The following PLCZ1 variants were observed in gnomAD, a reference collection of about 807,000 sequenced individuals.
The protein encoded by PLCZ1 is 1-phosphatidylinositol 4,5-bisphosphate phosphodiesterase zeta-1.
In PLCZ1, 64 loss-of-function variants were observed where a neutral mutation model predicts 76.8. The observed-to-expected ratio is 0.83, with a 90% confidence interval of 0.68 to 1.03. The LOEUF is 1.03. Among genes scored for constraint, PLCZ1 ranks in the 50% least tolerant of loss-of-function variants. The pLI, the probability that PLCZ1 is intolerant of heterozygous loss-of-function variation, is 0.00. For synonymous variants in PLCZ1, 248 were observed against 230.8 expected (o/e 1.07, Z -0.68); for missense variants, 751 against 713.7 (o/e 1.05, Z -0.60).
At chr12:18,650,347 A>ATATATATG in the PLCZ1 span, among the ~76,000 whole-genome samples, 12 of 114,544 alleles carry the variant, frequency 1.0e-4, no homozygotes, top group African/African-American at 1.6e-4. Context: ...ATATATATAT[A>ATATATATG]TGTGTGTGTG....
At chr12:18,695,127 A>C (rs1210160588) in intron 11 of PLCZ1, 48 bp from the exon 12 acceptor site, 1 of 1,550,464 alleles carries the variant, frequency 6.4e-7, no homozygotes, top group Non-Finnish European at 8.9e-7. Flanking sequence ...GAGAATACAA[A>C]TAAAGGAACA....
rs539434298 is a variant in PLCZ1 at position 18,731,056 on chromosome 12, G to A, written c.135+5165C>T. The A allele has an allele frequency of 3.8e-4, 57 of 151,892 alleles. 1 individual carries two copies. The highest frequency in any genetic ancestry group is 1.1e-3 in the Admixed American group (16 of 15,232). The allele number at this position is 151,892 out of a possible 1,614,324, so 9.4% of individuals were successfully genotyped here. On this transcript the variant is annotated intron_variant, in intron 3 of 14. Transcript: ENST00000266505. ...GTTCTGCAACTTTGGTTTTCACTGG[G>A]GTCTCCTGAGAAGTACAACTTTTCT...
chr12:18,701,134 G>A (rs370481914), intron 9 of PLCZ1, among the ~76,000 whole-genome samples: 2 of 151,820 alleles, frequency 1.3e-5, no homozygotes, highest in African/African-American at 2.4e-5. Flanking sequence ...ACAGGCATGC[G>A]TCACCATGCC....
chr12:18,702,503 C>A (rs1405474759), intron 7 of PLCZ1, among the ~76,000 whole-genome samples: 1 of 152,052 alleles, frequency 6.6e-6, no homozygotes, highest in African/African-American at 2.4e-5. Flanking sequence ...AAGTTCTTTT[C>A]TCCAGGGAGC....
In PLCZ1 at chr12:18,737,310, G is replaced by A. The variant is rs764775933; in HGVS notation, c.11+51C>T. Reference sequence around the variant, plus strand: ...AAGAATAACAGCATCAAGTAAAGAGGATAAGTAGGAGAAAGAAGAAGAGGA... The same window carrying A: ...AAGAATAACAGCATCAAGTAAAGAGAATAAGTAGGAGAAAGAAGAAGAGGA... On this transcript the variant is annotated intron_variant, in intron 2 of 14. Transcript: ENST00000266505. The A allele has an allele frequency of 3.2e-6, 5 of 1,569,408 alleles. No homozygotes were observed. The South Asian group carries it at 5.5e-5, about 17-fold the overall frequency.
At chr12:18,678,400 A>G (rs1402529163), downstream of PLCZ1, among the ~76,000 whole-genome samples, 1 of 152,038 alleles carries the variant, frequency 6.6e-6, no homozygotes, top group Non-Finnish European at 1.5e-5. Flanking sequence ...GAAGTATACA[A>G]TTTGATTCGT....
intron 3 of PLCZ1, among the ~76,000 whole-genome samples, chr12:18,733,163 G>C (rs1194927462): frequency 6.6e-6 from 1 of 152,162 alleles, no homozygotes; most frequent in African/African-American, 2.4e-5. Context: ...GGTATGAGGT[G>C]ATAGCTCATG....
At chr12:18,683,632 C>A in intron 14 of PLCZ1, 2 of 1,384,584 alleles carry the variant, frequency 1.4e-6, no homozygotes, top group Non-Finnish European at 1.9e-6. Flanking sequence ...ATCTCAGATG[C>A]TGTTAGAAAA....
intron 5 of PLCZ1, among the ~76,000 whole-genome samples, chr12:18,718,158 T>G (rs1460378541): frequency 6.6e-6 from 1 of 152,182 alleles, no homozygotes; most frequent in African/African-American, 2.4e-5. Context: ...ATATACTAAA[T>G]GCATTTTCAA....
At position 18,735,696 on chromosome 12, in the gene PLCZ1, T is replaced by A. The variant is rs752540001; in HGVS notation, c.135+525A>T. 3 of 152,748 alleles carry A rather than the reference T, an allele frequency of 2.0e-5. No homozygotes were observed. In the South Asian group the frequency reaches 6.2e-4, roughly 32 times the overall value. The allele number at this position is 152,748 out of a possible 1,614,324, so 9.5% of individuals were successfully genotyped here. ...CTATGTGTTTTTCATTTTTGTGAGATCTGTTGTAATGTCTCCACTTTCATT... is the reference window on the plus strand; with the variant it reads ...CTATGTGTTTTTCATTTTTGTGAGAACTGTTGTAATGTCTCCACTTTCATT... On this transcript the variant is annotated intron_variant, in intron 3 of 14. Coordinates refer to ENST00000266505, the MANE Select transcript of PLCZ1 (RefSeq NM_033123.4).
rs773905019 is a variant in PLCZ1 at position 18,737,392 on chromosome 12, C to G, written c.-21G>C. The G allele has an allele frequency of 6.2e-7, 1 of 1,613,692 alleles. No homozygotes were observed. The highest frequency in any genetic ancestry group is 1.1e-5 in the South Asian group (1 of 91,088). On this transcript the variant is annotated 5_prime_UTR_variant, in exon 2 of 15. Coordinates refer to ENST00000266505, the MANE Select transcript of PLCZ1 (RefSeq NM_033123.4). ...TCCATAGTTTCATGACCTGTAGAGCCGTTTCTCCTCACTTAGAAGTCTTTC... is the reference window on the plus strand; with the variant it reads ...TCCATAGTTTCATGACCTGTAGAGCGGTTTCTCCTCACTTAGAAGTCTTTC...
chr12:18,713,530 G>A (rs1957587856), intron 5 of PLCZ1, among the ~76,000 whole-genome samples: 3 of 152,190 alleles, frequency 2.0e-5, no homozygotes, highest in Admixed American at 6.5e-5. Context: ...TGGAAACAGT[G>A]TTGGCTACAC....
the PLCZ1 span, chr12:18,648,442 T>C: frequency 0.12 from 23,806 of 200,430 alleles, 1,667 homozygotes; most frequent in African/African-American, 0.2. Context: ...GTAATCAATT[T>C]TTAAAACTTA....
intron 6 of PLCZ1, among the ~76,000 whole-genome samples, chr12:18,711,389 TG>T (rs1957309148): frequency 2.5e-5 from 1 of 40,164 alleles, no homozygotes; most frequent in Non-Finnish European, 4.2e-5. Context: ...TGTTGTGGGG[TG>T]GGGGGAGGGG....
In PLCZ1 at chr12:18,692,992, T is replaced by C; in HGVS notation, c.1461+1918A>G. 4 of 1,406,804 alleles carry C rather than the reference T, an allele frequency of 2.8e-6. No individual in the cohort carries two copies. The South Asian group carries it at 4.6e-5, about 16-fold the overall frequency. 87.1% of individuals were successfully genotyped at this position (1,406,804 alleles called of 1,614,324 possible). On this transcript the variant is annotated intron_variant, in intron 12 of 14. Coordinates refer to ENST00000266505, the MANE Select transcript of PLCZ1 (RefSeq NM_033123.4). Reference sequence around the variant, plus strand: ...AAGTTAGAGAGAATTAAAGACTATCTTCTCATGGAGGAAGAATTCATTAGA... The same window carrying C: ...AAGTTAGAGAGAATTAAAGACTATCCTCTCATGGAGGAAGAATTCATTAGA...
chr12:18,669,919 T>C, the PLCZ1 span, among the ~76,000 whole-genome samples: 1 of 152,076 alleles, frequency 6.6e-6, no homozygotes, highest in Non-Finnish European at 1.5e-5. Context: ...TCCGCCCACC[T>C]GGCCTCCCAA....
At chr12:18,699,248 C>T (rs1021839812) in intron 10 of PLCZ1, among the ~76,000 whole-genome samples, 2 of 152,136 alleles carry the variant, frequency 1.3e-5, no homozygotes, top group African/African-American at 2.4e-5. Flanking sequence ...ATAGAGCCTC[C>T]AAGTCTGATT....
chr12:18,669,284 G>T, the PLCZ1 span, among the ~76,000 whole-genome samples: 1 of 152,254 alleles, frequency 6.6e-6, no homozygotes, highest in African/African-American at 2.4e-5. Flanking sequence ...CTTAACCACT[G>T]CACTATATTC....
chr12:18,679,483 GA>G, downstream of PLCZ1, among the ~76,000 whole-genome samples: 1 of 151,824 alleles, frequency 6.6e-6, no homozygotes. Flanking sequence ...TGCATTAAGT[GA>G]CAACATTCAT....
Sources: gnomAD v4.1 joint callset for allele counts (sites outside exome capture counted in the v4.1 genomes callset) on GRCh38, gnomAD v4.1.1 for gene constraint, MANE v1.5 for transcripts, NCBI Gene and HGNC (gene_info 2026-07-23, HGNC 2026-07-21) for gene names.